The following CASP2 variants were observed in gnomAD, a reference collection of about 807,000 sequenced individuals.
The protein encoded by CASP2 is caspase 2.
In CASP2, 38 loss-of-function variants were observed where a neutral mutation model predicts 54.4. That is an observed-to-expected ratio of 0.70 (90% CI 0.54 to 0.92). The LOEUF is 0.92. Ranked by LOEUF, CASP2 falls within the 40% of genes least tolerant of loss-of-function variation. The pLI is 0.00. For synonymous variants in CASP2, 215 were observed against 216.3 expected, an observed-to-expected ratio of 0.99 and a Z score of 0.05; for missense variants, 512 against 579.6, an observed-to-expected ratio of 0.88 and a Z score of 1.20.
At chr7:143,289,199 A>G (rs1187401429) in intron 1 of CASP2, among the ~76,000 whole-genome samples, 1 of 152,202 alleles carries the variant, frequency 6.6e-6, no homozygotes, top group Non-Finnish European at 1.5e-5. Flanking sequence ...GCAGAAGGAC[A>G]CAGAATTAAG....
At chr7:143,288,635 C>A in intron 1 of CASP2, 106 bp downstream of exon 1, 1 of 1,069,584 alleles carries the variant, frequency 9.3e-7, no homozygotes. Context: ...CCCCGGAAAG[C>A]AGCCGTGTCC....
chr7:143,291,489 T>A, intron 1 of CASP2, 51 bp from the exon 2 acceptor site: 1 of 1,587,644 alleles, frequency 6.3e-7, no homozygotes, highest in Non-Finnish European at 8.7e-7. Context: ...ACTCCACTCT[T>A]CTGTGTCAAA....
Position 143,292,421 on chromosome 7 carries a change from A to T in CASP2, c.347A>T (p.Asp116Val), listed in dbSNP as rs1801602108. ...LRETKQGHLEDMLLTTLSGLQ... is the reference protein window; with the variant it reads ...LRETKQGHLEVMLLTTLSGLQ... ...GAGACCAAGCAAGGCCACCTGGAGG[A>T]TATGTTGCTCACCACCCTTTCTGGG... The change falls in exon 3 of 11, where the codon GAT (aspartate) becomes GTT (valine). Residue 116 changes from aspartate to valine, a missense_variant. Asp to Val is a radical substitution (Grantham distance 152). This residue lies in a region of CASP2 where 417 missense variants were observed against 495.4 expected (regional missense o/e 0.84). Coordinates refer to ENST00000310447, the MANE Select transcript of CASP2 (RefSeq NM_032982.4). The T allele has an allele frequency of 6.2e-7, 1 of 1,613,952 alleles. No individual in the cohort carries two copies. The highest frequency in any genetic ancestry group is 8.5e-7 in the Non-Finnish European group (1 of 1,180,046).
chr7:143,300,767 T>A, intron 8 of CASP2: 1 of 1,185,896 alleles, frequency 8.4e-7, no homozygotes, highest in Non-Finnish European at 1.1e-6. Context: ...TTCTTCTTTC[T>A]TCTTACCATT....
intron 6 of CASP2, among the ~76,000 whole-genome samples, chr7:143,296,680 TAG>T (rs1255324724): frequency 1.3e-5 from 2 of 150,796 alleles, no homozygotes; most frequent in African/African-American, 4.9e-5. Flanking sequence ...GGGATCTCCC[TAG>T]AGAGTCAACT....
Position 143,292,690 on chromosome 7 carries a change from T to C in CASP2, c.467T>C (p.Leu156Pro), listed in dbSNP as rs765307228. ...TGTCCCCTTTACAAGAAGCTCCGCC[T>C]GTCGACAGGTGAGAATTGATGGACT... ...ESCPLYKKLR[L>P]STDTVEHSLD... is the part of the protein sequence containing the mutation. Residue 156 changes from leucine (L) to proline (P), a missense_variant, in exon 4 of 11, where the codon CTG (leucine) becomes CCG (proline). By Grantham distance (98) the Leu-to-Pro change is moderately conservative. Coordinates refer to ENST00000310447, the MANE Select transcript of CASP2 (RefSeq NM_032982.4). The C allele has an allele frequency of 3.1e-6, 5 of 1,612,194 alleles. No homozygotes were observed. In the South Asian group the frequency reaches 3.3e-5, roughly 11 times the overall value.
intron 4 of CASP2, chr7:143,293,374 C>T (rs557686757): frequency 9.5e-6 from 4 of 422,388 alleles, no homozygotes; most frequent in South Asian, 7.5e-5. Flanking sequence ...ATGATCCTTC[C>T]GCCTTGGCCT....
At chr7:143,300,561 T>C (rs2116796375) in intron 8 of CASP2, 1 of 1,498,024 alleles carries the variant, frequency 6.7e-7, no homozygotes, top group African/African-American at 1.4e-5. Context: ...TGTCTTTGCC[T>C]TCCTTTCTGA....
intron 4 of CASP2, 134 bp downstream of exon 4, chr7:143,292,832 G>C (rs941109175): frequency 2.1e-5 from 15 of 721,966 alleles, no homozygotes; most frequent in Non-Finnish European, 3.6e-5. Flanking sequence ...CCAACATGGT[G>C]AAACCCCGTC....
Position 143,303,977 on chromosome 7 carries a change from G to T in CASP2, c.1117+44G>T, listed in dbSNP as rs969233800. On this transcript the variant is annotated intron_variant, in intron 9 of 10. Transcript: ENST00000310447. ...GAGTTGAGTCATACCTCATTTTGTTGCACTTTGCTTTATTGTGCTTTGCAG... is the reference window on the plus strand; with the variant it reads ...GAGTTGAGTCATACCTCATTTTGTTTCACTTTGCTTTATTGTGCTTTGCAG... 3 of 1,537,246 alleles carry T rather than the reference G, an allele frequency of 2.0e-6. No individual in the cohort carries two copies. The African/African-American group carries it at 4.1e-5, about 21-fold the overall frequency.
chr7:143,294,202 GT>G, intron 4 of CASP2, 27 bp from the exon 5 acceptor site: 1 of 1,214,976 alleles, frequency 8.2e-7, no homozygotes, highest in East Asian at 2.3e-5. Flanking sequence ...TTATATACTA[GT>G]TTTTTGGTTT....
intron 10 of CASP2, 74 bp downstream of exon 10, chr7:143,304,857 C>T (rs950267812): frequency 6.2e-7 from 1 of 1,608,364 alleles, no homozygotes; most frequent in Admixed American, 1.7e-5. Context: ...AATGCTCTTT[C>T]ATAGTCCGTC....
At chr7:143,300,487 A>G (rs767378860) in intron 8 of CASP2, 193 bp downstream of exon 8, 3 of 1,591,286 alleles carry the variant, frequency 1.9e-6, no homozygotes, top group African/African-American at 1.3e-5. Context: ...TGGGCAGCCC[A>G]TGGCTCTCAG....
chr7:143,304,948 A>G lies in CASP2; in HGVS notation c.1236A>G (p.Ala412=), dbSNP rs143054447. ...HVADMLVKVN[A]LIKDREGYAP... is the part of the protein sequence containing the mutation. ...TGGTTCTGCCCCTCCAGGTGAACGC[A>G]CTTATCAAGGATCGGGAAGGTTATG... Residue 412 remains alanine, a synonymous_variant, in exon 11 of 11, where the codon GCA becomes GCG. Coordinates refer to ENST00000310447, the MANE Select transcript of CASP2 (RefSeq NM_032982.4). 8.7e-6 allele frequency: 14 copies of G among 1,614,014 alleles called. No homozygotes were observed. In the East Asian group the frequency reaches 2.9e-4, roughly 33 times the overall value.
chr7:143,289,765 G>A (rs1801498324), intron 1 of CASP2: 1 of 234,014 alleles, frequency 4.3e-6, no homozygotes, highest in Non-Finnish European at 7.0e-6. Flanking sequence ...TCTTTTTCTT[G>A]TAGCCAGTTT....
At chr7:143,297,591 C>A (rs1045438042) in intron 6 of CASP2, among the ~76,000 whole-genome samples, 2 of 152,130 alleles carry the variant, frequency 1.3e-5, no homozygotes, top group African/African-American at 4.8e-5. Flanking sequence ...GGATTACAGG[C>A]GCATGCCACC....
In CASP2 at chr7:143,294,788, A is replaced by G. The variant is rs768338785; in HGVS notation, c.747+15A>G. On this transcript the variant is annotated intron_variant, in intron 6 of 10. Coordinates refer to ENST00000310447, the MANE Select transcript of CASP2 (RefSeq NM_032982.4). ...AGACTGCACAGGTACCTGAGGTGGG[A>G]AAAATTGACATGTAAATTAGAGGAC... 1.2e-6 allele frequency: 2 copies of G among 1,608,508 alleles called. No homozygotes were observed. Among genetic ancestry groups the G allele is most frequent in the South Asian group, 2.2e-5 (2 of 90,654 alleles).
intron 6 of CASP2, 36 bp downstream of exon 6, chr7:143,294,809 A>G: frequency 6.4e-7 from 1 of 1,555,228 alleles, no homozygotes; most frequent in Non-Finnish European, 8.8e-7. Flanking sequence ...TGTAAATTAG[A>G]GGACTGAACA....
chr7:143,292,710 TGGACTAAAAGG>T lies in CASP2; in HGVS notation c.475+15_475+25del. 6.2e-7 allele frequency: 1 copy of T among 1,609,378 alleles called. No homozygotes were observed. On this transcript the variant is annotated intron_variant, in intron 4 of 10. Coordinates refer to ENST00000310447, the MANE Select transcript of CASP2 (RefSeq NM_032982.4). ...CCGCCTGTCGACAGGTGAGAATTGA[TGGACTAAAAGG>T]GGTCCCAGGCCAGGTGCCACGGCTT...
Sources: allele counts gnomAD v4.1 joint callset (sites outside exome capture counted in the v4.1 genomes callset), GRCh38; gene constraint gnomAD v4.1.1; regional missense constraint gnomAD v4.1.1; transcripts MANE v1.5; gene names NCBI Gene and HGNC (gene_info 2026-07-23, HGNC 2026-07-21).